The following TG variants were observed in gnomAD, a reference collection of about 807,000 sequenced individuals.
TG encodes the protein thyroid hormones.
A neutral mutation model predicts 324.7 loss-of-function variants in TG; 270 were observed. That is an observed-to-expected ratio of 0.83 (90% CI 0.75 to 0.92). TG has a LOEUF of 0.92. Ranked by LOEUF, TG falls within the 40% of genes least tolerant of loss-of-function variation. The pLI is 0.00. For synonymous variants in TG, 1,401 were observed against 1,327.0 expected (o/e 1.06, Z -1.21); for missense variants, 3,591 against 3,456.4 (o/e 1.04, Z -0.98).
intron 41 of TG, among the ~76,000 whole-genome samples, chr8:133,045,347 T>G (rs1431642929): frequency 6.6e-6 from 1 of 151,234 alleles, no homozygotes; most frequent in Non-Finnish European, 1.5e-5. Flanking sequence ...CATCACATGG[T>G]CCTTACAGGT....
At chr8:132,986,829 C>T (rs1013647084) in intron 35 of TG, among the ~76,000 whole-genome samples, 6 of 152,146 alleles carry the variant, frequency 3.9e-5, no homozygotes, top group Admixed American at 2.0e-4. Context: ...TTGCTAGTTG[C>T]ATACTTACCA....
chr8:133,067,012 C>T (rs921979318), intron 41 of TG, among the ~76,000 whole-genome samples: 2 of 152,172 alleles, frequency 1.3e-5, no homozygotes, highest in African/African-American at 4.8e-5. Context: ...ATTTTCCCGC[C>T]GTGACTGTAC....
In TG at chr8:132,913,033, C is replaced by A. The variant is rs547464268; in HGVS notation, c.4160-14C>A. On this transcript the variant is annotated splice_polypyrimidine_tract_variant and intron_variant, in intron 19 of 47. Transcript: ENST00000220616. ...ACAGTGGGGGTGACCTCTACCTTAT[C>A]CTGTGTCTTACAGAGAGAGCCTTGG... 19 of 1,613,712 alleles carry A rather than the reference C, an allele frequency of 1.2e-5. No homozygotes were observed. In the South Asian group the frequency reaches 2.1e-4, roughly 18 times the overall value.
At chr8:133,077,998 G>T (rs546873791) in intron 41 of TG, among the ~76,000 whole-genome samples, 25 of 152,348 alleles carry the variant, frequency 1.6e-4, no homozygotes, top group African/African-American at 6.0e-4. Context: ...TGTGAAGGTT[G>T]TTCTTTCTTG....
intron 8 of TG, among the ~76,000 whole-genome samples, chr8:132,883,944 T>C (rs755033255): frequency 6.6e-6 from 1 of 152,224 alleles, no homozygotes; most frequent in African/African-American, 2.4e-5. Context: ...CTGAAAGCTC[T>C]AGGGGAGGAT....
chr8:133,089,620 C>G (rs769461211), intron 41 of TG, among the ~76,000 whole-genome samples: 1 of 152,196 alleles, frequency 6.6e-6, no homozygotes, highest in African/African-American at 2.4e-5. Flanking sequence ...AAATTCTTCT[C>G]TTCATTTAGA....
In TG at chr8:132,935,872, G is replaced by A. The variant is rs1198727936; in HGVS notation, c.5041+8G>A. 6.2e-7 allele frequency: 1 copy of A among 1,610,840 alleles called. No homozygotes were observed. The highest frequency in any genetic ancestry group is 1.1e-5 in the South Asian group (1 of 90,880). On this transcript the variant is annotated splice_region_variant and intron_variant, in intron 25 of 47. Coordinates refer to ENST00000220616, the MANE Select transcript of TG (RefSeq NM_003235.5). ...CTGTGTATTTGAAAAAGGGTAGGTT[G>A]GTCAGGCTGGTTGGCTTAGGCCCGC...
intron 27 of TG, among the ~76,000 whole-genome samples, chr8:132,960,786 C>A (rs1827633212): frequency 6.6e-6 from 1 of 152,144 alleles, no homozygotes; most frequent in Non-Finnish European, 1.5e-5. Context: ...GAAGTAGTCC[C>A]TTTGGTGCCC....
At chr8:133,022,945 A>G (rs928709816) in intron 40 of TG, among the ~76,000 whole-genome samples, 4 of 152,154 alleles carry the variant, frequency 2.6e-5, no homozygotes, top group Non-Finnish European at 5.9e-5. Flanking sequence ...CCTGATTCCA[A>G]AGTTATGAGG....
rs375831720 is a variant in TG at position 132,897,673 on chromosome 8, G to A, written c.3026G>A (p.Arg1009His). ...GCCTTAAGCTTCTATCAGAGACGCC[G>A]CTTTTCCCCGGACGACTCGGCTGGA... is the stretch of plus-strand genomic sequence containing the variant. ...QSTLSFYQRRRFSPDDSAGAS... is the reference protein window; with the variant it reads ...QSTLSFYQRRHFSPDDSAGAS... Residue 1009 changes from arginine (R) to histidine (H), a missense_variant, in exon 12 of 48, where the codon CGC (arginine) becomes CAC (histidine). By Grantham distance (29) the Arg-to-His change is conservative (BLOSUM62 0). Coordinates refer to ENST00000220616, the MANE Select transcript of TG (RefSeq NM_003235.5). 7 of 1,614,056 alleles carry A rather than the reference G, an allele frequency of 4.3e-6. No individual in the cohort carries two copies. Among genetic ancestry groups the A allele is most frequent in the Non-Finnish European group, 5.1e-6 (6 of 1,180,038 alleles).
intron 41 of TG, among the ~76,000 whole-genome samples, chr8:133,033,957 C>T (rs1836860219): frequency 6.6e-6 from 1 of 152,198 alleles, no homozygotes; most frequent in Non-Finnish European, 1.5e-5. Flanking sequence ...TAGCACAGCG[C>T]TTGGTTCAGA....
At chr8:132,988,216 A>T (rs1215068540) in intron 35 of TG, among the ~76,000 whole-genome samples, 1 of 152,120 alleles carries the variant, frequency 6.6e-6, no homozygotes, top group Non-Finnish European at 1.5e-5. Context: ...CCCCAGATTC[A>T]CCATAGACAG....
At chr8:133,118,628 A>C (rs1480227118) in intron 45 of TG, among the ~76,000 whole-genome samples, 1 of 151,360 alleles carries the variant, frequency 6.6e-6, no homozygotes, top group African/African-American at 2.4e-5. Context: ...CCTGGCCCTG[A>C]CTCTTGCATT....
chr8:132,983,281 T>A, intron 34 of TG, 69 bp from the exon 35 acceptor site: 1 of 1,515,978 alleles, frequency 6.6e-7, no homozygotes, highest in Non-Finnish European at 9.2e-7. Flanking sequence ...ATACTTATAT[T>A]AATGCCTTCT....
chr8:133,049,572 C>G, intron 41 of TG: 1 of 327,266 alleles, frequency 3.1e-6, no homozygotes, highest in Non-Finnish European at 5.9e-6. Flanking sequence ...GGATTTGAAC[C>G]TAGACACACT....
Position 132,913,277 on chromosome 8 carries a change from C to T in TG, c.4378+12C>T. 3 of 1,613,054 alleles carry T rather than the reference C, an allele frequency of 1.9e-6. No individual in the cohort carries two copies. Among genetic ancestry groups the T allele is most frequent in the Non-Finnish European group, 2.5e-6 (3 of 1,179,462 alleles). The stretch of plus-strand genomic sequence containing the variant: ...CGGACTGGGATGCGGTAGGTCCACT[C>T]TCTCCCTGGATATCTCCTGTGGAGC... On this transcript the variant is annotated intron_variant, in intron 20 of 47. Coordinates refer to ENST00000220616, the MANE Select transcript of TG (RefSeq NM_003235.5).
chr8:132,962,651 T>C (rs946019436), intron 28 of TG, among the ~76,000 whole-genome samples: 2 of 152,230 alleles, frequency 1.3e-5, no homozygotes, highest in Non-Finnish European at 2.9e-5. Flanking sequence ...ATTTTGCCTC[T>C]TTAAGTCTCA....
chr8:132,933,999 G>A (rs1303294674), intron 24 of TG, among the ~76,000 whole-genome samples: 3 of 152,074 alleles, frequency 2.0e-5, no homozygotes, highest in African/African-American at 7.2e-5. Context: ...GCCCCTTGGG[G>A]TCCCAGACCC....
At position 132,969,530 on chromosome 8, in the gene TG, GA is replaced by G; in HGVS notation, c.5939del (p.Asn1980IlefsTer33). On this transcript the variant is annotated frameshift_variant, in exon 32 of 48. Coordinates refer to ENST00000220616, the MANE Select transcript of TG (RefSeq NM_003235.5). LOFTEE classifies it high-confidence loss of function. ...PFQKLMGISI[R>X]NKVPMSEKSI... ...CAAAAACTGATGGGGATATCCATTA[GA>G]AATAAAGTGCCCATGTCTGAAAAAT... The G allele has an allele frequency of 6.2e-7, 1 of 1,613,872 alleles. No homozygotes were observed. The highest frequency in any genetic ancestry group is 8.5e-7 in the Non-Finnish European group (1 of 1,179,822).
Sources: gnomAD v4.1 joint callset for allele counts (sites outside exome capture counted in the v4.1 genomes callset) on GRCh38, gnomAD v4.1.1 for gene constraint, MANE v1.5 for transcripts, NCBI Gene and HGNC (gene_info 2026-07-23, HGNC 2026-07-21) for gene names.